Variants in BCL11B observed in about 807,000 individuals in gnomAD.
The protein encoded by BCL11B is BCL11 transcription factor B, also known as B-cell lymphoma/leukemia 11B.
Under a neutral mutation model 49.9 loss-of-function variants are expected in BCL11B, and 8 were observed. The observed-to-expected ratio is 0.16, with a 90% CI of 0.09 to 0.29. The LOEUF is 0.29. Among genes scored for constraint, BCL11B ranks in the 10% least tolerant of loss-of-function variants. BCL11B has a pLI of 1.00. For synonymous variants in BCL11B, 739 were observed against 637.4 expected (o/e 1.16, Z -2.40); for missense variants, 1,006 against 1,351.0 (o/e 0.74, Z 4.00).
chr14:99,269,539 A>G (rs1488148064), intron 1 of BCL11B, among the ~76,000 whole-genome samples: 1 of 146,778 alleles, frequency 6.8e-6, no homozygotes, highest in African/African-American at 2.5e-5. Flanking sequence ...AAAAAATCAT[A>G]ATAAATCCAC....
chr14:99,178,846 T>C (rs562771786), intron 3 of BCL11B, among the ~76,000 whole-genome samples: 5 of 152,302 alleles, frequency 3.3e-5, no homozygotes, highest in African/African-American at 1.2e-4. Flanking sequence ...TTCACAGCTT[T>C]CCGTCGCTTT....
chr14:99,250,937 A>T (rs911038144), intron 2 of BCL11B, among the ~76,000 whole-genome samples: 2 of 152,094 alleles, frequency 1.3e-5, no homozygotes, highest in Non-Finnish European at 2.9e-5. Flanking sequence ...ACTTTCAACT[A>T]CAATCGGTGC....
At chr14:99,230,196 TAC>T (rs1888288113) in intron 3 of BCL11B, among the ~76,000 whole-genome samples, 1 of 152,172 alleles carries the variant, frequency 6.6e-6, no homozygotes, top group Admixed American at 6.5e-5. Context: ...TGTGGCCTTT[TAC>T]AGAGCTGTGG....
chr14:99,269,222 G>A (rs1889576990), intron 1 of BCL11B, among the ~76,000 whole-genome samples: 1 of 140,144 alleles, frequency 7.1e-6, no homozygotes, highest in African/African-American at 2.7e-5. Flanking sequence ...GGGGCAAATT[G>A]CCTCCTGGAG....
Position 99,196,864 on chromosome 14 carries a change from C to A in BCL11B, c.641-20669G>T, listed in dbSNP as rs149921450. 3.3e-5 allele frequency among the ~76,000 whole-genome samples: 5 copies of A among 152,308 alleles called. No individual in the cohort carries two copies. The East Asian group carries it at 9.7e-4, about 29-fold the overall frequency. Reference sequence around the variant, plus strand: ...ACCTTCACATGAGCACCTCATAAACCAGGTGCTTTCTCAACCAAGGCTGCA... The same window carrying A: ...ACCTTCACATGAGCACCTCATAAACAAGGTGCTTTCTCAACCAAGGCTGCA... On this transcript the variant is annotated intron_variant, in intron 3 of 3. Coordinates refer to ENST00000357195, the MANE Select transcript of BCL11B (RefSeq NM_138576.4).
chr14:99,181,784 C>T (rs1886711096), intron 3 of BCL11B, among the ~76,000 whole-genome samples: 1 of 152,180 alleles, frequency 6.6e-6, no homozygotes, highest in African/African-American at 2.4e-5. Context: ...GAAACCAGAT[C>T]CCAGGGCCCC....
rs1888346248 is a variant in BCL11B, at chr14:99,231,806, C to T, written c.428-249G>A. Among the ~76,000 whole-genome samples the T allele has an allele frequency of 6.6e-6, 1 of 151,872 alleles. No homozygotes were observed. Among genetic ancestry groups the T allele is most frequent in the South Asian group, 2.1e-4 (1 of 4,826 alleles). The stretch of plus-strand genomic sequence containing the variant: ...CTGCCAGGCTGGGCTGTCGGGGAGG[C>T]AGGACCCCGCCTCTGGGGGCCTGGT... On this transcript the variant is annotated intron_variant, in intron 2 of 3. Transcript: ENST00000357195. This position sits in a 1 kb window ranked among gnomAD's most constrained non-coding sequence, Gnocchi z 8.1.
chr14:99,196,577 T>A (rs1283365244), intron 3 of BCL11B, among the ~76,000 whole-genome samples: 2 of 152,160 alleles, frequency 1.3e-5, no homozygotes, highest in Non-Finnish European at 2.9e-5. Context: ...TTGCAGCGGC[T>A]CATGTGCCCT....
chr14:99,216,039 A>C (rs1887825452), intron 3 of BCL11B, among the ~76,000 whole-genome samples: 1 of 152,230 alleles, frequency 6.6e-6, no homozygotes, highest in Non-Finnish European at 1.5e-5. Context: ...CAATAATAAT[A>C]ATCATAGTTA....
chr14:99,196,144 G>A (rs1245469877), intron 3 of BCL11B, among the ~76,000 whole-genome samples: 1 of 152,144 alleles, frequency 6.6e-6, no homozygotes, highest in Non-Finnish European at 1.5e-5. Flanking sequence ...TAGAATCGAA[G>A]GTGCTTGTTG....
In BCL11B at chr14:99,231,265, T is replaced by C. The variant is rs1888323355; in HGVS notation, c.640+80A>G. ...GTGGGAGCTGCCCTTCCTCCCTGGG[T>C]CCCCACCTTGCTCCAGCGCTGCCCA... is the stretch of plus-strand genomic sequence containing the variant. On this transcript the variant is annotated intron_variant, in intron 3 of 3. Coordinates refer to ENST00000357195, the MANE Select transcript of BCL11B (RefSeq NM_138576.4). The surrounding 1 kb of genome is among the most constrained non-coding windows in gnomAD (Gnocchi z 8.1). 1.2e-5 allele frequency: 17 copies of C among 1,464,360 alleles called. No homozygotes were observed. Among genetic ancestry groups the C allele is most frequent in the Non-Finnish European group, 1.6e-5 (17 of 1,079,476 alleles). The allele number at this position is 1,464,360 out of a possible 1,614,324, so 90.7% of individuals were successfully genotyped here.
At chr14:99,193,992 C>T (rs947933172) in intron 3 of BCL11B, among the ~76,000 whole-genome samples, 2 of 152,188 alleles carry the variant, frequency 1.3e-5, no homozygotes, top group African/African-American at 4.8e-5. Context: ...GGCCCCAATG[C>T]TTGTCAATAT....
chr14:99,238,054 C>A (rs1329968080), intron 2 of BCL11B, among the ~76,000 whole-genome samples: 1 of 152,100 alleles, frequency 6.6e-6, no homozygotes, highest in African/African-American at 2.4e-5. Context: ...CACAGGCCAC[C>A]CACGACCCTG....
chr14:99,249,565 C>T lies in BCL11B; in HGVS notation c.427+7906G>A, dbSNP rs1190254722. 2.6e-5 allele frequency among the ~76,000 whole-genome samples: 4 copies of T among 152,308 alleles called. No homozygotes were observed. In the East Asian group the frequency reaches 7.7e-4, roughly 29 times the overall value. ...ATGAAAGGAATACCTGATTTACCAC[C>T]CTCGTGGGGCAGAGAGGTGGATGGA... On this transcript the variant is annotated intron_variant, in intron 2 of 3. Coordinates refer to ENST00000357195, the MANE Select transcript of BCL11B (RefSeq NM_138576.4).
chr14:99,198,283 T>C (rs1465902166), intron 3 of BCL11B, among the ~76,000 whole-genome samples: 6 of 152,230 alleles, frequency 3.9e-5, no homozygotes, highest in African/African-American at 1.4e-4. Context: ...AAATAACTTC[T>C]CTTAAAATGT....
chr14:99,174,285 T>C lies in BCL11B; in HGVS notation c.2551A>G (p.Lys851Glu). The C allele has an allele frequency of 6.2e-7, 1 of 1,613,668 alleles. No homozygotes were observed. The highest frequency in any genetic ancestry group is 8.5e-7 in the Non-Finnish European group (1 of 1,180,004). The stretch of plus-strand genomic sequence containing the variant: ...CAGATGTCGCAGCGGTACACCTCCT[T>C]GCCGATCTGCCCGTGCGTCTTCATG... ...RHMKTHGQIG[K>E]EVYRCDICQM... Residue 851 changes from lysine to glutamate, a missense_variant, in exon 4 of 4, where the codon AAG (lysine) becomes GAG (glutamate). Physicochemically the swap from Lys to Glu is moderately conservative, Grantham distance 56. Around this residue, in one of 6 missense-constraint regions of BCL11B, gnomAD observed 24 missense variants for 128.4 expected, o/e 0.19. Coordinates refer to ENST00000357195, the MANE Select transcript of BCL11B (RefSeq NM_138576.4).
intron 1 of BCL11B, among the ~76,000 whole-genome samples, chr14:99,258,632 G>C (rs1041202947): frequency 6.6e-6 from 1 of 152,192 alleles, no homozygotes; most frequent in South Asian, 2.1e-4. Flanking sequence ...AGGGAGGCTG[G>C]AACCGGCTTG....
intron 2 of BCL11B, among the ~76,000 whole-genome samples, chr14:99,243,206 TG>T (rs1340133268): frequency 5.3e-5 from 8 of 151,932 alleles, no homozygotes; most frequent in Non-Finnish European, 1.2e-4. Flanking sequence ...GGAGCTGGGG[TG>T]GGGGAACACT....
Position 99,262,562 on chromosome 14 carries a change from G to T in BCL11B, c.59-4723C>A, listed in dbSNP as rs866305052. Among the ~76,000 whole-genome samples, 2 of 152,180 alleles carry T rather than the reference G, an allele frequency of 1.3e-5. No homozygotes were observed. The highest frequency in any genetic ancestry group is 4.8e-5 in the African/African-American group (2 of 41,428). ...CCACCAACGTCACAACCGCCATCAT[G>T]ATGTGTACGCATGTTTACAAGAAAT... On this transcript the variant is annotated intron_variant, in intron 1 of 3. Coordinates refer to ENST00000357195, the MANE Select transcript of BCL11B (RefSeq NM_138576.4). This position sits in a 1 kb window ranked among gnomAD's most constrained non-coding sequence, Gnocchi z 4.2.
Sources: allele counts gnomAD v4.1 joint callset (sites outside exome capture counted in the v4.1 genomes callset), GRCh38; gene constraint gnomAD v4.1.1; regional missense constraint gnomAD v4.1.1; non-coding constraint Gnocchi (gnomAD v3.1); transcripts MANE v1.5; gene names NCBI Gene and HGNC (gene_info 2026-07-23, HGNC 2026-07-21).